The following OPCML variants were observed in gnomAD, a reference collection of about 807,000 sequenced individuals.
OPCML encodes opioid binding protein/cell adhesion molecule like, also known as opioid-binding protein/cell adhesion molecule.
OPCML carries 13 observed loss-of-function variants against 37.8 expected under a neutral mutation model. That is an observed-to-expected ratio of 0.34 (90% CI 0.22 to 0.55). OPCML has a LOEUF of 0.55. Among genes scored for constraint, OPCML ranks in the 20% least tolerant of loss-of-function variants. The probability of loss-of-function intolerance (pLI) is 0.91; values close to 1 mark genes in which losing one functional copy is unlikely to be tolerated. For synonymous variants in OPCML, 176 were observed against 168.8 expected, an observed-to-expected ratio of 1.04 and a Z score of -0.33; for missense variants, 341 against 435.6, an observed-to-expected ratio of 0.78 and a Z score of 1.93.
At position 133,361,679 on chromosome 11, in the gene OPCML, C is replaced by T. The variant is rs116135535; in HGVS notation, c.61+170585G>A. The T allele has an allele frequency of 1.3e-4, 20 of 154,662 alleles. No homozygotes were observed. The South Asian group carries it at 1.8e-3, about 14-fold the overall frequency. The allele number at this position is 154,662 out of a possible 1,614,324, so 9.6% of individuals were successfully genotyped here. On this transcript the variant is annotated intron_variant, in intron 1 of 7. Transcript: ENST00000524381. ...GGCGCCTGCAGCTACTCCGGGGCAC[C>T]GCCATTTCCCGCCCCCATAAGCGCC...
At chr11:132,594,284 T>C (rs1421310833) in intron 3 of OPCML, among the ~76,000 whole-genome samples, 1 of 152,182 alleles carries the variant, frequency 6.6e-6, no homozygotes, top group Admixed American at 6.5e-5. Context: ...ATTTTTCACT[T>C]ACAGATTTGC....
intron 1 of OPCML, among the ~76,000 whole-genome samples, chr11:132,959,942 T>G (rs1210748765): frequency 6.6e-6 from 1 of 152,186 alleles, no homozygotes; most frequent in Non-Finnish European, 1.5e-5. Flanking sequence ...ACACTCACTG[T>G]TACGGGGCAA....
At chr11:133,463,642 C>G (rs1436225146) in intron 1 of OPCML, among the ~76,000 whole-genome samples, 1 of 152,066 alleles carries the variant, frequency 6.6e-6, no homozygotes, top group East Asian at 1.9e-4. Flanking sequence ...CGTGTCTATG[C>G]TGTTCTAGCT....
chr11:133,260,203 C>T (rs975117132), intron 1 of OPCML, among the ~76,000 whole-genome samples: 7 of 151,308 alleles, frequency 4.6e-5, no homozygotes, highest in African/African-American at 1.7e-4. Flanking sequence ...AGGTGGGAGC[C>T]GTGCATTGGG....
chr11:132,588,333 T>A (rs1158190346), intron 3 of OPCML, among the ~76,000 whole-genome samples: 1 of 152,124 alleles, frequency 6.6e-6, no homozygotes, highest in African/African-American at 2.4e-5. Context: ...AGGTTCTTGG[T>A]CAACCCACAA....
At chr11:132,627,641 G>A (rs894192428) in intron 3 of OPCML, among the ~76,000 whole-genome samples, 2 of 152,148 alleles carry the variant, frequency 1.3e-5, no homozygotes, top group African/African-American at 2.4e-5. Context: ...TCAGATGATC[G>A]ACATGTAGAT....
chr11:133,117,262 A>T (rs888307122), intron 1 of OPCML, among the ~76,000 whole-genome samples: 76 of 152,286 alleles, frequency 5.0e-4, no homozygotes, highest in African/African-American at 1.8e-3. Context: ...CAGACCCTAG[A>T]TCCATCCATT....
chr11:132,554,088 G>C (rs538445431), intron 3 of OPCML, among the ~76,000 whole-genome samples: 5 of 152,166 alleles, frequency 3.3e-5, no homozygotes, highest in Non-Finnish European at 7.4e-5. Flanking sequence ...GCAGAAGTTA[G>C]AGCAAAGGAG....
intron 3 of OPCML, among the ~76,000 whole-genome samples, chr11:132,589,951 G>C (rs955590895): frequency 6.6e-6 from 1 of 152,136 alleles, no homozygotes; most frequent in Admixed American, 6.6e-5. Flanking sequence ...AACAACACTT[G>C]AACATGTAAA....
chr11:132,600,370 C>A, intron 3 of OPCML, among the ~76,000 whole-genome samples: 1 of 152,282 alleles, frequency 6.6e-6, no homozygotes, highest in Non-Finnish European at 1.5e-5. Context: ...ATAGTCTTCA[C>A]GTAGGCCTAA....
chr11:133,130,864 C>G (rs1949592769), intron 1 of OPCML, among the ~76,000 whole-genome samples: 1 of 151,986 alleles, frequency 6.6e-6, no homozygotes, highest in Non-Finnish European at 1.5e-5. Flanking sequence ...ACAAATAGTG[C>G]TGGAATAATT....
At chr11:133,337,994 G>A (rs542420410) in intron 1 of OPCML, among the ~76,000 whole-genome samples, 7 of 151,974 alleles carry the variant, frequency 4.6e-5, no homozygotes, top group South Asian at 4.2e-4. Flanking sequence ...CCACAGGGCC[G>A]TCCTGTGTTG....
At chr11:133,465,188 C>A (rs558536206) in intron 1 of OPCML, among the ~76,000 whole-genome samples, 1 of 152,306 alleles carries the variant, frequency 6.6e-6, no homozygotes, top group African/African-American at 2.4e-5. Context: ...GACTTCCAGA[C>A]ACTGCCTGCA....
rs529329176 is a variant in OPCML, at chr11:132,497,416, C to CAA, written c.505+31643_505+31644dup. On this transcript the variant is annotated intron_variant, in intron 4 of 7. Coordinates refer to ENST00000524381, the MANE Select transcript of OPCML (RefSeq NM_001012393.5). ...CCCTGAACTTAAAATAAAAGCTGAA[C>CAA]AAAAAAAAAAAAAAGAAAAATGCTA... Among the ~76,000 whole-genome samples the CAA allele has an allele frequency of 3.6e-3, 317 of 88,732 alleles. 1 individual carries two copies. The highest frequency in any genetic ancestry group is 8.7e-3 in the African/African-American group (206 of 23,812). 58.2% of individuals were successfully genotyped at this position (88,732 alleles called of 152,430 possible).
At chr11:133,234,985 C>T (rs554260778) in intron 1 of OPCML, among the ~76,000 whole-genome samples, 1 of 152,000 alleles carries the variant, frequency 6.6e-6, no homozygotes, top group African/African-American at 2.4e-5. Flanking sequence ...TCCCTAATGC[C>T]GTATTAACTG....
Position 133,173,837 on chromosome 11 carries a change from A to T in OPCML, c.62-230827T>A, listed in dbSNP as rs1265296225. Among the ~76,000 whole-genome samples the T allele has an allele frequency of 6.6e-6, 1 of 152,072 alleles. No individual in the cohort carries two copies. The highest frequency in any genetic ancestry group is 1.5e-5 in the Non-Finnish European group (1 of 68,028). ...ACAGAGCCTAAAGATGCAGGCCTTG[A>T]GTTTATGAGGCAAATAATGAAGTTG... On this transcript the variant is annotated intron_variant, in intron 1 of 7. Transcript: ENST00000524381. The surrounding 1 kb of genome is among the most constrained non-coding windows in gnomAD (Gnocchi z 7.8).
chr11:133,351,212 G>A (rs2136692404), intron 1 of OPCML, among the ~76,000 whole-genome samples: 1 of 152,282 alleles, frequency 6.6e-6, no homozygotes, highest in South Asian at 2.1e-4. Flanking sequence ...GGGGCTAAGT[G>A]TAATTAGGAG....
intron 1 of OPCML, among the ~76,000 whole-genome samples, chr11:133,280,546 G>A (rs916992913): frequency 3.3e-5 from 5 of 152,264 alleles, no homozygotes; most frequent in Non-Finnish European, 4.4e-5. Flanking sequence ...TAACATTTGC[G>A]CATATCTCCA....
intron 1 of OPCML, among the ~76,000 whole-genome samples, chr11:132,951,041 C>A (rs1198584208): frequency 6.6e-6 from 1 of 152,142 alleles, no homozygotes; most frequent in East Asian, 1.9e-4. Flanking sequence ...TAGAGTGCAG[C>A]AGGGAAGACT....
Sources: gnomAD v4.1 joint callset for allele counts (sites outside exome capture counted in the v4.1 genomes callset) on GRCh38, gnomAD v4.1.1 for gene constraint, Gnocchi (gnomAD v3.1) non-coding constraint, MANE v1.5 for transcripts, NCBI Gene and HGNC (gene_info 2026-07-23, HGNC 2026-07-21) for gene names.